The following VPS13C variants were observed in gnomAD, a reference collection of about 807,000 sequenced individuals.
VPS13C encodes vacuolar protein sorting 13 homolog C, also known as intermembrane lipid transfer protein VPS13C.
In VPS13C, 358 loss-of-function variants were observed where a neutral mutation model predicts 456.8. The ratio of observed to expected loss-of-function variants is 0.78; its 90% CI spans 0.72 to 0.86. VPS13C has a LOEUF of 0.86. Among genes scored for constraint, VPS13C ranks in the 40% least tolerant of loss-of-function variants. The pLI is 0.00. For missense variants in VPS13C, 4,818 were observed against 4,385.4 expected (o/e 1.10, Z -2.79); for synonymous variants, 1,578 against 1,486.7 (o/e 1.06, Z -1.41).
chr15:61,909,089 G>A lies in VPS13C; in HGVS notation c.8881C>T (p.His2961Tyr), dbSNP rs186222411. The change falls in exon 65 of 85, where the codon CAT becomes TAT. Residue 2961 changes from histidine to tyrosine, a missense_variant. Transcript: ENST00000644861. Reference sequence around the variant, plus strand: ...TCAGAAAAAGTTATGACAGTTGAATGTTCGGCAGTGTTTACATCCACCAAG... The same window carrying A: ...TCAGAAAAAGTTATGACAGTTGAATATTCGGCAGTGTTTACATCCACCAAG... ...GILVDVNTAE[H>Y]STVITFSDYH... 2 of 1,613,344 alleles carry A rather than the reference G, an allele frequency of 1.2e-6. No individual in the cohort carries two copies. Among genetic ancestry groups the A allele is most frequent in the East Asian group, 2.2e-5 (1 of 44,844 alleles).
chr15:61,986,238 A>G (rs1336252372), intron 18 of VPS13C, among the ~76,000 whole-genome samples: 1 of 151,936 alleles, frequency 6.6e-6, no homozygotes, highest in Non-Finnish European at 1.5e-5. Flanking sequence ...CAAGTGTCTA[A>G]TTTTAGACTT....
At chr15:61,949,694 G>T in intron 41 of VPS13C, 89 bp from the exon 42 acceptor site, 1 of 1,274,438 alleles carries the variant, frequency 7.8e-7, no homozygotes, top group Non-Finnish European at 1.1e-6. Flanking sequence ...CACAAGAACA[G>T]TTCAATTAAG....
intron 53 of VPS13C, among the ~76,000 whole-genome samples, chr15:61,923,302 A>G (rs887402111): frequency 1.3e-5 from 2 of 151,950 alleles, no homozygotes; most frequent in Admixed American, 1.3e-4. Context: ...CCCAAGATCT[A>G]TAAATCCTAC....
chr15:61,855,498 G>A (rs1005068222), intron 83 of VPS13C, among the ~76,000 whole-genome samples: 5 of 151,920 alleles, frequency 3.3e-5, no homozygotes, highest in South Asian at 4.1e-4. Flanking sequence ...AGGGTAACAC[G>A]GTGTTTCCTT....
In VPS13C at chr15:61,920,587, G is replaced by A. The variant is rs75446800; in HGVS notation, c.7123C>T (p.Pro2375Ser). Residue 2375 changes from proline to serine, a missense_variant, in exon 56 of 85, where the codon CCA becomes TCA. By Grantham distance (74) the Pro-to-Ser change is moderately conservative. Coordinates refer to ENST00000644861, the MANE Select transcript of VPS13C (RefSeq NM_020821.3). ...LLPGDDFIPE[P>S]QMAIHISSGN... The stretch of plus-strand genomic sequence containing the variant: ...GAAGAAATATGAATTGCCATTTGTG[G>A]CTCAGGAATAAAATCATCTCCTGGC... 2.3e-5 allele frequency: 36 copies of A among 1,591,214 alleles called. No individual in the cohort carries two copies. The South Asian group carries it at 2.4e-4, about 11-fold the overall frequency.
At chr15:61,898,330 C>T (rs550582130) in intron 66 of VPS13C, among the ~76,000 whole-genome samples, 171 of 151,950 alleles carry the variant, frequency 1.1e-3, no homozygotes, top group Middle Eastern at 3.4e-3. Flanking sequence ...GAGTCAAGAC[C>T]CATCAGTGTG....
At chr15:62,057,416 G>A (rs976530942) in intron 1 of VPS13C, among the ~76,000 whole-genome samples, 3 of 152,126 alleles carry the variant, frequency 2.0e-5, no homozygotes, top group Non-Finnish European at 4.4e-5. Context: ...TGAAAGAACA[G>A]GAAAAATCAA....
At chr15:61,869,436 T>C (rs1894850353) in intron 80 of VPS13C, 64 bp downstream of exon 80, 4 of 1,568,932 alleles carry the variant, frequency 2.5e-6, no homozygotes, top group Non-Finnish European at 3.5e-6. Flanking sequence ...CTAATCTATT[T>C]ATGTATTCCT....
chr15:61,896,588 C>T (rs1254139658), intron 66 of VPS13C, among the ~76,000 whole-genome samples: 1 of 152,232 alleles, frequency 6.6e-6, no homozygotes, highest in Non-Finnish European at 1.5e-5. Flanking sequence ...CCGCACCTGG[C>T]TCGGAGGGTC....
chr15:61,873,103 G>A (rs1033830894), intron 78 of VPS13C, 143 bp downstream of exon 78: 42 of 1,302,792 alleles, frequency 3.2e-5, no homozygotes, highest in Admixed American at 9.5e-5. Context: ...GGAGCAAAAA[G>A]GAAACTGGGA....
In VPS13C at chr15:61,927,178, G is replaced by C. The variant is rs568279338; in HGVS notation, c.6429C>G (p.Leu2143=). 199 of 1,614,142 alleles carry C rather than the reference G, an allele frequency of 1.2e-4. 4 individuals carry two copies. The South Asian group carries it at 1.8e-3, about 15-fold the overall frequency. Residue 2143 remains leucine, a synonymous_variant, in exon 52 of 85, where the codon CTC becomes CTG. Coordinates refer to ENST00000644861, the MANE Select transcript of VPS13C (RefSeq NM_020821.3). Reference sequence around the variant, plus strand: ...TCACAGAAGCTTCCATCATCTGTTCGAGTTTGGATGTTGACAGAGAAAGGT... The same window carrying C: ...TCACAGAAGCTTCCATCATCTGTTCCAGTTTGGATGTTGACAGAGAAAGGT... ...QCNLSLSTSK[L]EQMMEASVRD...
chr15:62,008,566 A>G, intron 14 of VPS13C, 89 bp downstream of exon 14: 1 of 733,214 alleles, frequency 1.4e-6, no homozygotes, highest in Non-Finnish European at 2.1e-6. Flanking sequence ...TGGCTGAATT[A>G]CTTGGCTTTT....
At chr15:61,990,835 G>C (rs1017896140) in intron 18 of VPS13C, among the ~76,000 whole-genome samples, 165 bp downstream of exon 18, 1 of 151,976 alleles carries the variant, frequency 6.6e-6, no homozygotes, top group Non-Finnish European at 1.5e-5. Context: ...AATAAAGTTA[G>C]AGAGAGAATT....
chr15:61,984,013 C>G lies in VPS13C; in HGVS notation c.1722-1G>C. The G allele has an allele frequency of 6.2e-7, 1 of 1,608,744 alleles. No individual in the cohort carries two copies. Among genetic ancestry groups the G allele is most frequent in the Non-Finnish European group, 8.5e-7 (1 of 1,177,118 alleles). On this transcript the variant is annotated splice_acceptor_variant, in intron 19 of 84. Coordinates refer to ENST00000644861, the MANE Select transcript of VPS13C (RefSeq NM_020821.3). LOFTEE classifies it high-confidence loss of function. ...CCAGTGTTCTAATTTCGCTTCTACC[C>G]TATAATCCAATGAAGAACAAGGAAA... is the stretch of plus-strand genomic sequence containing the variant.
At chr15:62,036,825 A>T (rs1168989334) in intron 3 of VPS13C, among the ~76,000 whole-genome samples, 1 of 151,838 alleles carries the variant, frequency 6.6e-6, no homozygotes, top group African/African-American at 2.4e-5. Flanking sequence ...AGATCAGGAA[A>T]TTTTTTAAAT....
chr15:61,946,738 G>T (rs562224812), intron 43 of VPS13C, among the ~76,000 whole-genome samples: 30 of 151,688 alleles, frequency 2.0e-4, no homozygotes, highest in African/African-American at 7.2e-4. Context: ...CTCTGCATTG[G>T]CAAGATCAGC....
chr15:61,920,625 T>C lies in VPS13C; in HGVS notation c.7085A>G (p.Asp2362Gly). The change falls in exon 56 of 85, where the codon GAT becomes GGT. Residue 2362 changes from aspartate (D) to glycine (G), a missense_variant. Asp to Gly is a moderately conservative substitution (Grantham distance 94). Transcript: ENST00000644861. ...ATCATCTCCTGGCAGCAAACTTTTA[T>C]CCTGAACTGGGTTCTTCTTTACCTA... ...RLDVKKNPVQDKSLLPGDDFI... is the reference protein window; with the variant it reads ...RLDVKKNPVQGKSLLPGDDFI... The C allele has an allele frequency of 6.3e-7, 1 of 1,582,818 alleles. No homozygotes were observed. The highest frequency in any genetic ancestry group is 8.5e-7 in the Non-Finnish European group (1 of 1,171,798).
intron 80 of VPS13C, 106 bp downstream of exon 80, chr15:61,869,394 G>T (rs1340262916): frequency 2.4e-6 from 3 of 1,260,808 alleles, no homozygotes; most frequent in East Asian, 5.1e-5. Context: ...CTTTCAATTA[G>T]ACTTTAAGAT....
At position 61,885,879 on chromosome 15, in the gene VPS13C, T is replaced by G. The variant is rs149205425; in HGVS notation, c.9342-1610A>C. On this transcript the variant is annotated intron_variant, in intron 67 of 84. Transcript: ENST00000644861. ...TATACAGGTTAATCCTTTAGTCACT[T>G]CAGACTCCGTGCTGACTTCTCAAAT... Among the ~76,000 whole-genome samples, 559 of 152,256 alleles carry G rather than the reference T, an allele frequency of 3.7e-3. 3 individuals are homozygous for G. Among genetic ancestry groups the G allele is most frequent in the Middle Eastern group, 6.8e-3 (2 of 294 alleles).
Sources: allele counts gnomAD v4.1 joint callset (sites outside exome capture counted in the v4.1 genomes callset), GRCh38; gene constraint gnomAD v4.1.1; transcripts MANE v1.5; gene names NCBI Gene and HGNC (gene_info 2026-07-23, HGNC 2026-07-21).